Variants in FLI1 observed in about 807,000 individuals in gnomAD.
FLI1 encodes the protein Fli-1 proto-oncogene, ETS transcription factor.
In FLI1, 13 loss-of-function variants were observed where a neutral mutation model predicts 53.1. That is an observed-to-expected ratio of 0.24 (90% CI 0.16 to 0.39). FLI1 has a LOEUF of 0.39. Among genes scored for constraint, FLI1 ranks in the 10% least tolerant of loss-of-function variants. The pLI is 1.00. For missense variants in FLI1, 424 were observed against 600.5 expected, an observed-to-expected ratio of 0.71 and a Z score of 3.07; for synonymous variants, 244 against 236.7, an observed-to-expected ratio of 1.03 and a Z score of -0.28.
chr11:128,748,763 C>A lies in FLI1; in HGVS notation c.19-9352C>A, dbSNP rs555496211. On this transcript the variant is annotated intron_variant, in intron 1 of 8. Transcript: ENST00000527786. The stretch of plus-strand genomic sequence containing the variant: ...AAACGGTTTAGGGGAGGAGTAGAAG[C>A]TTTGCAGTCAGGCCAGCAGCATGGA... Among the ~76,000 whole-genome samples, 6 of 152,206 alleles carry A rather than the reference C, an allele frequency of 3.9e-5. No homozygotes were observed. In the East Asian group the frequency reaches 9.7e-4, roughly 24 times the overall value.
At position 128,810,148 on chromosome 11, in the gene FLI1, G is replaced by A. The variant is rs1942900993; in HGVS notation, c.830-311G>A. On this transcript the variant is annotated intron_variant, in intron 8 of 8. Transcript: ENST00000527786. The surrounding 1 kb of genome is among the most constrained non-coding windows in gnomAD (Gnocchi z 6.6). ...AAAAGCCTTGCCAAAGGGATTGAGG[G>A]GGGATATGGCTCACCCAAGATCACA... Among the ~76,000 whole-genome samples, 1 of 151,914 alleles carries A rather than the reference G, an allele frequency of 6.6e-6. No individual in the cohort carries two copies.
intron 5 of FLI1, among the ~76,000 whole-genome samples, chr11:128,802,547 C>G (rs1166417530): frequency 6.6e-6 from 1 of 152,244 alleles, no homozygotes; most frequent in African/African-American, 2.4e-5. Flanking sequence ...AGTGAGAGCA[C>G]AGTTCAGGCT....
intron 1 of FLI1, among the ~76,000 whole-genome samples, chr11:128,719,982 G>A (rs1045119013): frequency 6.6e-6 from 1 of 152,144 alleles, no homozygotes; most frequent in Non-Finnish European, 1.5e-5. Context: ...AATGATTGCA[G>A]AAGTGTCACT....
At chr11:128,705,931 A>G (rs1009784561) in intron 1 of FLI1, among the ~76,000 whole-genome samples, 2 of 152,056 alleles carry the variant, frequency 1.3e-5, no homozygotes, top group Admixed American at 1.3e-4. Context: ...ATTCTGTGTA[A>G]TGTCCCGATG....
chr11:128,803,021 A>C (rs987372483), intron 5 of FLI1, among the ~76,000 whole-genome samples: 2 of 152,268 alleles, frequency 1.3e-5, no homozygotes, highest in Non-Finnish European at 2.9e-5. Context: ...TGAAGCCTTC[A>C]GTAGACTAAT....
intron 7 of FLI1, among the ~76,000 whole-genome samples, chr11:128,808,102 A>G (rs1343575296): frequency 6.6e-6 from 1 of 152,244 alleles, no homozygotes; most frequent in Non-Finnish European, 1.5e-5. Flanking sequence ...ACTGTGGATC[A>G]TAAGTCAGAT....
intron 1 of FLI1, among the ~76,000 whole-genome samples, chr11:128,741,796 C>T (rs1940149690): frequency 6.6e-6 from 1 of 152,106 alleles, no homozygotes; most frequent in Admixed American, 6.5e-5. Context: ...CCAGTTGCAC[C>T]ACCTCTTTAC....
intron 3 of FLI1, among the ~76,000 whole-genome samples, chr11:128,768,882 C>T (rs537943668): frequency 6.6e-6 from 1 of 152,290 alleles, no homozygotes; most frequent in African/African-American, 2.4e-5. Context: ...AGGCCGCCTC[C>T]ACCCAAAAGG....
At chr11:128,767,437 T>A (rs1941384138) in intron 2 of FLI1, among the ~76,000 whole-genome samples, 1 of 152,228 alleles carries the variant, frequency 6.6e-6, no homozygotes, top group East Asian at 1.9e-4. Context: ...GCTGTGTGAC[T>A]GAGCCAGGCA....
At chr11:128,784,178 T>C (rs17137835) in intron 5 of FLI1, among the ~76,000 whole-genome samples, 5,948 of 151,928 alleles carry the variant, frequency 0.039, 368 homozygotes, top group African/African-American at 0.13. Flanking sequence ...TAGGGTTTAG[T>C]TTAGAAACTG....
chr11:128,712,843 A>C (rs1281472026), intron 1 of FLI1, among the ~76,000 whole-genome samples: 1 of 152,186 alleles, frequency 6.6e-6, no homozygotes, highest in Non-Finnish European at 1.5e-5. Flanking sequence ...CTGAGACATG[A>C]AGCAATTTCT....
chr11:128,748,769 AG>A (rs765529644), intron 1 of FLI1, among the ~76,000 whole-genome samples: 1 of 152,218 alleles, frequency 6.6e-6, no homozygotes, highest in Non-Finnish European at 1.5e-5. Context: ...GAAGCTTTGC[AG>A]TCAGGCCAGC....
chr11:128,702,676 A>G (rs1303275199), intron 1 of FLI1, among the ~76,000 whole-genome samples: 2 of 152,228 alleles, frequency 1.3e-5, no homozygotes, highest in East Asian at 3.8e-4. Flanking sequence ...AGCCTGGCCA[A>G]TATGGTGAAA....
At position 128,696,953 on chromosome 11, in the gene FLI1, G is replaced by C. The variant is rs144009430; in HGVS notation, c.18+2677G>C. ...TATGTGATTACAAAATCCCAATCTT[G>C]TTGCCCTCCTTATAAGTCCCTCCAT... On this transcript the variant is annotated intron_variant, in intron 1 of 8. Coordinates refer to ENST00000527786, the MANE Select transcript of FLI1 (RefSeq NM_002017.5). Among the ~76,000 whole-genome samples, 26 of 152,208 alleles carry C rather than the reference G, an allele frequency of 1.7e-4. 1 individual carries two copies. In the East Asian group the frequency reaches 4.2e-3, roughly 25 times the overall value.
Position 128,810,935 on chromosome 11 carries a change from G to A in FLI1, c.1306G>A (p.Val436Ile), listed in dbSNP as rs764743895. Residue 436 changes from valine to isoleucine, a missense_variant, in exon 9 of 9, where the codon GTC becomes ATC. Around this residue, in one of 5 missense-constraint regions of FLI1, gnomAD observed 87 missense variants for 100.0 expected, o/e 0.87. Coordinates refer to ENST00000527786, the MANE Select transcript of FLI1 (RefSeq NM_002017.5). The surrounding 1 kb of genome is among the most constrained non-coding windows in gnomAD (Gnocchi z 6.6). The part of the protein sequence containing the change: ...PTGGIYPNPN[V>I]PRHPNTHVPS... The stretch of plus-strand genomic sequence containing the variant: ...GGGGGGAATCTACCCCAACCCCAAC[G>A]TCCCCCGCCATCCTAACACCCACGT... 9 of 1,613,758 alleles carry A rather than the reference G, an allele frequency of 5.6e-6. No individual in the cohort carries two copies. The highest frequency in any genetic ancestry group is 1.3e-5 in the African/African-American group (1 of 74,888).
Position 128,812,741 on chromosome 11 carries a change from C to G in FLI1, c.*1753C>G, listed in dbSNP as rs1442545508. 1.8e-5 allele frequency: 4 copies of G among 217,378 alleles called. No homozygotes were observed. Among genetic ancestry groups the G allele is most frequent in the African/African-American group, 9.0e-5 (4 of 44,574 alleles). The allele number at this position is 217,378 out of a possible 1,614,324, so 13.5% of individuals were successfully genotyped here. On this transcript the variant is annotated 3_prime_UTR_variant, in exon 9 of 9. Transcript: ENST00000527786. ...GTGAGATTTAACTCTGCAGCCTCCCCTGGGCACTTCAGACCCAGACGGCCA... is the reference window on the plus strand; with the variant it reads ...GTGAGATTTAACTCTGCAGCCTCCCGTGGGCACTTCAGACCCAGACGGCCA...
intron 1 of FLI1, among the ~76,000 whole-genome samples, chr11:128,728,064 C>T (rs1209015476): frequency 2.0e-5 from 3 of 152,242 alleles, no homozygotes; most frequent in Admixed American, 6.5e-5. Context: ...AAACACAAAA[C>T]GTGGCCCTCT....
rs549940641 is a variant in FLI1 at position 128,811,671 on chromosome 11, G to A, written c.*683G>A. ...AATGCAAATACATACATTCCTGAAAGACGGGGAATTAAATTACTAATTTTT... is the reference window on the plus strand; with the variant it reads ...AATGCAAATACATACATTCCTGAAAAACGGGGAATTAAATTACTAATTTTT... On this transcript the variant is annotated 3_prime_UTR_variant, in exon 9 of 9. Transcript: ENST00000527786. 1 of 205,736 alleles carries A rather than the reference G, an allele frequency of 4.9e-6. No homozygotes were observed. Among genetic ancestry groups the A allele is most frequent in the African/African-American group, 2.3e-5 (1 of 43,606 alleles). The allele number at this position is 205,736 out of a possible 1,614,324, so 12.7% of individuals were successfully genotyped here.
At chr11:128,801,202 C>T (rs1480726071) in intron 5 of FLI1, among the ~76,000 whole-genome samples, 1 of 152,230 alleles carries the variant, frequency 6.6e-6, no homozygotes, top group African/African-American at 2.4e-5. Flanking sequence ...GCAGGCACAC[C>T]CTGCCTGAGC....
Sources: allele counts gnomAD v4.1 joint callset (sites outside exome capture counted in the v4.1 genomes callset), GRCh38; gene constraint gnomAD v4.1.1; regional missense constraint gnomAD v4.1.1; non-coding constraint Gnocchi (gnomAD v3.1); transcripts MANE v1.5; gene names NCBI Gene and HGNC (gene_info 2026-07-23, HGNC 2026-07-21).